The following INPP4B variants were observed in gnomAD, a reference collection of about 807,000 sequenced individuals.
INPP4B encodes inositol polyphosphate-4-phosphatase type II B.
In INPP4B, 55 loss-of-function variants were observed where a neutral mutation model predicts 122.5. The ratio of observed to expected loss-of-function variants is 0.45; its 90% CI spans 0.36 to 0.56. The LOEUF is 0.56. Ranked by LOEUF, INPP4B falls within the 20% of genes least tolerant of loss-of-function variation. The pLI is 0.00. For missense variants in INPP4B, 1,000 were observed against 1,097.7 expected, an observed-to-expected ratio of 0.91 and a Z score of 1.26; for synonymous variants, 403 against 388.7, an observed-to-expected ratio of 1.04 and a Z score of -0.43.
rs142595889 is a variant in INPP4B, at chr4:142,554,435, C to T, written c.-190-91709G>A. On this transcript the variant is annotated intron_variant, in intron 2 of 25. Transcript: ENST00000262992. ...GGTCTCCCATACCTACTCTTGATCT[C>T]CTCAAATCAGTAGGAATATAAAGCA... Among the ~76,000 whole-genome samples, 301 of 151,740 alleles carry T rather than the reference C, an allele frequency of 2.0e-3. 3 individuals carry two copies. Among genetic ancestry groups the T allele is most frequent in the African/African-American group, 6.8e-3 (283 of 41,392 alleles).
chr4:142,383,525 G>A (rs1269721155), intron 7 of INPP4B, among the ~76,000 whole-genome samples: 1 of 152,048 alleles, frequency 6.6e-6, no homozygotes, highest in Non-Finnish European at 1.5e-5. Flanking sequence ...GAGTTATGTG[G>A]ACATGTCAAA....
chr4:142,750,336 GGTGTAATCAT>G (rs1769486230), intron 1 of INPP4B, among the ~76,000 whole-genome samples: 2 of 151,924 alleles, frequency 1.3e-5, no homozygotes, highest in Non-Finnish European at 2.9e-5. Flanking sequence ...AAACTTCACA[GGTGTAATCAT>G]GTGTACAGCA....
At chr4:142,653,970 C>T (rs1016456858) in intron 2 of INPP4B, among the ~76,000 whole-genome samples, 2 of 152,048 alleles carry the variant, frequency 1.3e-5, no homozygotes, top group African/African-American at 4.8e-5. Context: ...GGAACCAACC[C>T]AAATGTCCAA....
At chr4:142,693,530 A>G (rs529870323) in intron 2 of INPP4B, among the ~76,000 whole-genome samples, 1 of 114,714 alleles carries the variant, frequency 8.7e-6, no homozygotes. Flanking sequence ...AAAAAAAAAA[A>G]AAAAGCCTGA....
At position 142,819,861 on chromosome 4, in the gene INPP4B, C is replaced by T. The variant is rs114067180; in HGVS notation, c.-254+26348G>A. 5.2e-3 allele frequency among the ~76,000 whole-genome samples: 794 copies of T among 152,126 alleles called. 4 individuals are homozygous for T. The highest frequency in any genetic ancestry group is 8.7e-3 in the Admixed American group (133 of 15,272). ...CCTTGGCTGGCAATTCAAAGTATAACGTGGCTTATGGTGTGTTTCATTCCT... is the reference window on the plus strand; with the variant it reads ...CCTTGGCTGGCAATTCAAAGTATAATGTGGCTTATGGTGTGTTTCATTCCT... On this transcript the variant is annotated intron_variant, in intron 1 of 25. Transcript: ENST00000262992.
intron 15 of INPP4B, among the ~76,000 whole-genome samples, chr4:142,174,925 C>T (rs1351589571): frequency 2.6e-5 from 4 of 152,050 alleles, no homozygotes; most frequent in African/African-American, 9.7e-5. Flanking sequence ...GGATTATTGA[C>T]TTTTATAATC....
chr4:142,681,362 T>C (rs956809000), intron 2 of INPP4B, among the ~76,000 whole-genome samples: 2 of 151,834 alleles, frequency 1.3e-5, no homozygotes, highest in African/African-American at 4.8e-5. Flanking sequence ...AGCAAGTGAT[T>C]CCACTTAACC....
chr4:142,751,283 CAAAA>C (rs70949187), intron 1 of INPP4B, among the ~76,000 whole-genome samples: 32,627 of 104,822 alleles, frequency 0.31, 3,362 homozygotes, highest in South Asian at 0.39. Context: ...TTAACTGTGT[CAAAA>C]AAAAAAAAAA....
At chr4:142,776,164 TC>T (rs1473924519) in intron 1 of INPP4B, among the ~76,000 whole-genome samples, 4 of 152,216 alleles carry the variant, frequency 2.6e-5, no homozygotes, top group African/African-American at 9.6e-5. Flanking sequence ...TCTTACTATT[TC>T]TTTTCAAGAT....
chr4:142,068,956 T>G (rs528766323), intron 25 of INPP4B, among the ~76,000 whole-genome samples: 1 of 152,282 alleles, frequency 6.6e-6, no homozygotes, highest in African/African-American at 2.4e-5. Flanking sequence ...ATCCAGGAAT[T>G]GAACTCAGCT....
At chr4:142,710,950 T>C (rs912559467) in intron 2 of INPP4B, among the ~76,000 whole-genome samples, 7 of 152,226 alleles carry the variant, frequency 4.6e-5, no homozygotes, top group African/African-American at 1.7e-4. Context: ...TCCCTGACTC[T>C]ACTCTTCAAA....
At chr4:142,038,429 A>ACAT (rs1403573281) in intron 25 of INPP4B, among the ~76,000 whole-genome samples, 1 of 152,222 alleles carries the variant, frequency 6.6e-6, no homozygotes, top group Non-Finnish European at 1.5e-5. Context: ...ACTGCTTTGA[A>ACAT]CATCATAGAC....
At chr4:142,417,157 C>T (rs1805944013) in intron 5 of INPP4B, among the ~76,000 whole-genome samples, 1 of 152,090 alleles carries the variant, frequency 6.6e-6, no homozygotes, top group Non-Finnish European at 1.5e-5. Flanking sequence ...GCTGCTAGCT[C>T]AAAGTAGAAA....
intron 25 of INPP4B, among the ~76,000 whole-genome samples, chr4:142,049,859 A>G (rs1753556104): frequency 6.6e-6 from 1 of 152,054 alleles, no homozygotes; most frequent in Non-Finnish European, 1.5e-5. Flanking sequence ...TGAATCTATC[A>G]ATAAGCAGAA....
At position 142,299,124 on chromosome 4, in the gene INPP4B, T is replaced by G. The variant is rs182693457; in HGVS notation, c.503+6334A>C. Among the ~76,000 whole-genome samples, 9 of 152,040 alleles carry G rather than the reference T, an allele frequency of 5.9e-5. No homozygotes were observed. In the East Asian group the frequency reaches 1.7e-3, roughly 29 times the overall value. On this transcript the variant is annotated intron_variant, in intron 9 of 25. Coordinates refer to ENST00000262992, the MANE Select transcript of INPP4B (RefSeq NM_001101669.3). ...TGCATTTGCTGTTGACTCACATGTT[T>G]TCCTGCTTTTTCACTTTTTTTTTCT...
chr4:142,662,578 GATTGTGT>G (rs1045008020), intron 2 of INPP4B, among the ~76,000 whole-genome samples: 1 of 152,106 alleles, frequency 6.6e-6, no homozygotes, highest in Non-Finnish European at 1.5e-5. Context: ...CTTGAGAAGA[GATTGTGT>G]CACCTCCATG....
At chr4:142,164,813 G>A (rs1821909906) in intron 16 of INPP4B, among the ~76,000 whole-genome samples, 1 of 151,460 alleles carries the variant, frequency 6.6e-6, no homozygotes, top group Non-Finnish European at 1.5e-5. Context: ...CTTAAGGCAG[G>A]TCTCAAACTC....
chr4:142,255,628 T>C (rs1482527029), intron 11 of INPP4B, among the ~76,000 whole-genome samples: 1 of 152,096 alleles, frequency 6.6e-6, no homozygotes, highest in African/African-American at 2.4e-5. Flanking sequence ...TAATGGTAAA[T>C]GGATCAATTC....
chr4:142,688,460 A>G (rs1246397890), intron 2 of INPP4B, among the ~76,000 whole-genome samples: 1 of 152,090 alleles, frequency 6.6e-6, no homozygotes, highest in Admixed American at 6.6e-5. Flanking sequence ...TTCAAGACCC[A>G]ACCAAAAATC....
Sources: gnomAD v4.1 joint callset for allele counts (sites outside exome capture counted in the v4.1 genomes callset) on GRCh38, gnomAD v4.1.1 for gene constraint, MANE v1.5 for transcripts, NCBI Gene and HGNC (gene_info 2026-07-23, HGNC 2026-07-21) for gene names.